DCTN4: variants seen among roughly 807,000 people sequenced by gnomAD.
DCTN4 encodes dynactin subunit 4.
Under a neutral mutation model 62.7 loss-of-function variants are expected in DCTN4, and 23 were observed. The observed-to-expected ratio is 0.37, with a 90% confidence interval of 0.26 to 0.52. The LOEUF is 0.52. Ranked by LOEUF, DCTN4 falls within the 20% of genes least tolerant of loss-of-function variation. The pLI, the probability that DCTN4 is intolerant of heterozygous loss-of-function variation, is 0.92. For missense variants in DCTN4, 514 were observed against 580.4 expected (o/e 0.89, Z 1.18); for synonymous variants, 199 against 202.1 (o/e 0.98, Z 0.13).
intron 4 of DCTN4, among the ~76,000 whole-genome samples, chr5:150,736,587 A>G (rs1315043555): frequency 2.0e-5 from 3 of 152,216 alleles, no homozygotes; most frequent in Non-Finnish European, 2.9e-5. Context: ...CCAAGCCAGC[A>G]CTACAAGAGG....
At chr5:150,714,097 G>A (rs375428664) in intron 12 of DCTN4, among the ~76,000 whole-genome samples, 101 of 152,112 alleles carry the variant, frequency 6.6e-4, no homozygotes, top group African/African-American at 1.9e-3. Context: ...CAGCCTGGGC[G>A]ACAGAGACTC....
At chr5:150,712,001 T>G (rs973770807) in intron 12 of DCTN4, among the ~76,000 whole-genome samples, 7 of 152,342 alleles carry the variant, frequency 4.6e-5, no homozygotes, top group African/African-American at 1.7e-4. Context: ...TTACCATAAT[T>G]GGCATATACT....
At position 150,720,610 on chromosome 5, in the gene DCTN4, C is replaced by G. The variant is rs186723301; in HGVS notation, c.909-840G>C. On this transcript the variant is annotated intron_variant, in intron 9 of 12. Coordinates refer to ENST00000447998, the MANE Select transcript of DCTN4 (RefSeq NM_016221.4). ...ATTCCCACCTCAGCCTCCCAAGTAG[C>G]TGGGAGTACAGGTGTGTGCCACCAT... 9.9e-5 allele frequency among the ~76,000 whole-genome samples: 15 copies of G among 152,078 alleles called. No individual in the cohort carries two copies. In the East Asian group the frequency reaches 2.3e-3, roughly 24 times the overall value.
chr5:150,741,536 G>A (rs960962380), intron 4 of DCTN4, among the ~76,000 whole-genome samples: 1 of 152,042 alleles, frequency 6.6e-6, no homozygotes, highest in African/African-American at 2.4e-5. Flanking sequence ...GATGGAGCGT[G>A]GTGGTATGAT....
rs756924401 is a variant in DCTN4 at position 150,733,351 on chromosome 5, T to C, written c.537+17A>G. On this transcript the variant is annotated intron_variant, in intron 5 of 12. Transcript: ENST00000447998. ...GCCTTAGAGGTCTTGCAAATCATTT[T>C]AGTACCAAATTCTCACCGAAAAAGC... The C allele has an allele frequency of 8.2e-6, 13 of 1,592,230 alleles. No individual in the cohort carries two copies. In the South Asian group the frequency reaches 1.3e-4, roughly 16 times the overall value.
intron 11 of DCTN4, among the ~76,000 whole-genome samples, chr5:150,716,194 G>A (rs376980348): frequency 1.3e-5 from 2 of 152,280 alleles, no homozygotes; most frequent in Admixed American, 1.3e-4. Flanking sequence ...GTGAGCCACC[G>A]CGCCTAGCCC....
At chr5:150,735,384 A>T (rs1437760982) in intron 4 of DCTN4, among the ~76,000 whole-genome samples, 1 of 152,166 alleles carries the variant, frequency 6.6e-6, no homozygotes, top group Non-Finnish European at 1.5e-5. Context: ...TACGAAACCA[A>T]ACTACAACCA....
intron 6 of DCTN4, 66 bp downstream of exon 6, chr5:150,731,350 T>G: frequency 7.4e-7 from 1 of 1,352,378 alleles, no homozygotes; most frequent in Admixed American, 1.8e-5. Flanking sequence ...TGTTTTAATC[T>G]CATTTATTTG....
rs555277335 is a variant in DCTN4 at position 150,738,919 on chromosome 5, C to G, written c.429+3195G>C. Among the ~76,000 whole-genome samples, 38 of 152,214 alleles carry G rather than the reference C, an allele frequency of 2.5e-4. 1 individual carries two copies. The highest frequency in any genetic ancestry group is 7.7e-4 in the African/African-American group (32 of 41,546). On this transcript the variant is annotated intron_variant, in intron 4 of 12. Transcript: ENST00000447998. ...TCAATGAATTCAATAAAAGGTTGGG[C>G]ACAGTGGCTCATGCCTGTAACCCGA... is the stretch of plus-strand genomic sequence containing the variant.
At position 150,735,914 on chromosome 5, in the gene DCTN4, TAAA is replaced by T. The variant is rs4036951; in HGVS notation, c.430-2442_430-2440del. ...AAGGTGAAAACCAACTTAAGGGAAT[TAAA>T]AAAAAAAAAAAAAATACAGGTTATG... On this transcript the variant is annotated intron_variant, in intron 4 of 12. Coordinates refer to ENST00000447998, the MANE Select transcript of DCTN4 (RefSeq NM_016221.4). Among the ~76,000 whole-genome samples the T allele has an allele frequency of 7.4e-3, 929 of 126,094 alleles. 7 individuals carry two copies. The highest frequency in any genetic ancestry group is 0.025 in the African/African-American group (894 of 36,404). The allele number at this position is 126,094 out of a possible 152,430, so 82.7% of individuals were successfully genotyped here.
intron 9 of DCTN4, among the ~76,000 whole-genome samples, chr5:150,721,161 C>A (rs1412949128): frequency 6.6e-6 from 1 of 152,190 alleles, no homozygotes; most frequent in African/African-American, 2.4e-5. Context: ...CCTCCTAGCT[C>A]CTCCTAACTC....
At chr5:150,716,573 C>G (rs1759764635) in intron 11 of DCTN4, among the ~76,000 whole-genome samples, 1 of 152,072 alleles carries the variant, frequency 6.6e-6, no homozygotes, top group African/African-American at 2.4e-5. Context: ...TGTGCTTATG[C>G]ATCAGGTACT....
chr5:150,741,512 G>A (rs946050545), intron 4 of DCTN4, among the ~76,000 whole-genome samples: 12 of 151,030 alleles, frequency 7.9e-5, no homozygotes, highest in African/African-American at 2.9e-4. Flanking sequence ...ACACAGCCTT[G>A]CTCTATTGCC....
At chr5:150,752,247 C>T (rs532111457) in intron 3 of DCTN4, among the ~76,000 whole-genome samples, 3 of 152,194 alleles carry the variant, frequency 2.0e-5, no homozygotes, top group Non-Finnish European at 2.9e-5. Context: ...TGTTTCCACT[C>T]TATGATGTTA....
intron 4 of DCTN4, among the ~76,000 whole-genome samples, chr5:150,738,131 C>A (rs530839493): frequency 2.0e-5 from 3 of 152,058 alleles, no homozygotes; most frequent in Non-Finnish European, 4.4e-5. Context: ...TTAAAAAAAA[C>A]TGTCCACAAA....
chr5:150,728,792 T>C (rs1186424188), intron 8 of DCTN4, among the ~76,000 whole-genome samples: 2 of 152,182 alleles, frequency 1.3e-5, no homozygotes, highest in African/African-American at 4.8e-5. Flanking sequence ...ACAATGTTTG[T>C]CTTTTAATGG....
At chr5:150,718,766 A>T (rs992977848) in intron 10 of DCTN4, among the ~76,000 whole-genome samples, 2 of 152,198 alleles carry the variant, frequency 1.3e-5, no homozygotes, top group Non-Finnish European at 2.9e-5. Context: ...CAGATGCATG[A>T]ACAGAGCAAA....
chr5:150,730,444 C>T (rs896329455), intron 8 of DCTN4, among the ~76,000 whole-genome samples, 187 bp downstream of exon 8: 3 of 152,210 alleles, frequency 2.0e-5, no homozygotes, highest in African/African-American at 4.8e-5. Flanking sequence ...TAGTACCTAC[C>T]TCACAGAGTT....
chr5:150,716,851 G>A (rs979863264), intron 11 of DCTN4, among the ~76,000 whole-genome samples: 4 of 151,756 alleles, frequency 2.6e-5, no homozygotes, highest in African/African-American at 7.3e-5. Context: ...ACTGGGAGGC[G>A]GAGAGTGCAG....
Sources: gnomAD v4.1 joint callset for allele counts (sites outside exome capture counted in the v4.1 genomes callset) on GRCh38, gnomAD v4.1.1 for gene constraint, MANE v1.5 for transcripts, NCBI Gene and HGNC (gene_info 2026-07-23, HGNC 2026-07-21) for gene names.